Variants in TRIM37 observed in about 807,000 individuals in gnomAD.
TRIM37 encodes the protein tripartite motif containing 37.
Under a neutral mutation model 129.8 loss-of-function variants are expected in TRIM37, and 80 were observed. That is an observed-to-expected ratio of 0.62 (90% CI 0.51 to 0.74). TRIM37 has a LOEUF of 0.74. TRIM37 is among the 30% of genes least tolerant of loss of function. The pLI is 0.00. For missense variants in TRIM37, 1,054 were observed against 1,176.5 expected (o/e 0.90, Z 1.52); for synonymous variants, 389 against 387.1 (o/e 1.00, Z -0.06).
chr17:58,980,462 C>T (rs577558425), downstream of TRIM37: 17 of 1,614,104 alleles, frequency 1.1e-5, no homozygotes, highest in South Asian at 1.8e-4. This position sits in a 1 kb window ranked among gnomAD's most constrained non-coding sequence, Gnocchi z 4.7. Flanking sequence ...GCTGGAAGAC[C>T]CAGGCTACCT....
downstream of TRIM37, chr17:58,980,787 CAAA>C (rs1484496970): frequency 6.2e-7 from 1 of 1,614,128 alleles, no homozygotes; most frequent in South Asian, 1.1e-5. This position sits in a 1 kb window ranked among gnomAD's most constrained non-coding sequence, Gnocchi z 4.7. Flanking sequence ...CACCACTACT[CAAA>C]GAAGTGGCAC....
At chr17:59,049,470 T>A in intron 14 of TRIM37, 77 bp from the exon 15 acceptor site, 1 of 1,198,372 alleles carries the variant, frequency 8.3e-7, no homozygotes. Context: ...GAAAAAAAAA[T>A]GCATCCAGAT....
At chr17:59,046,263 T>G (rs2039784527) in intron 16 of TRIM37, among the ~76,000 whole-genome samples, 1 of 152,124 alleles carries the variant, frequency 6.6e-6, no homozygotes, top group Non-Finnish European at 1.5e-5. Context: ...ACTTATTAAT[T>G]ATAAAGGAAA....
chr17:59,045,343 GA>G (rs200893445), intron 16 of TRIM37, among the ~76,000 whole-genome samples: 66 of 147,478 alleles, frequency 4.5e-4, no homozygotes, highest in African/African-American at 1.3e-3. Context: ...AAAAAAAAAA[GA>G]AAAAAAAAAT....
At chr17:58,972,334 T>C in the TRIM37 span, 3 of 1,540,596 alleles carry the variant, frequency 1.9e-6, no homozygotes, top group African/African-American at 4.2e-5. Flanking sequence ...GATTTTCTAG[T>C]TATTGATTAG....
chr17:58,982,737 T>C (rs894204729), exon 25 of TRIM37: 1 of 544,906 alleles, frequency 1.8e-6, no homozygotes, highest in African/African-American at 1.9e-5. Flanking sequence ...TTTGAAGTCA[T>C]TTCTTCTTCT....
intron 9 of TRIM37, among the ~76,000 whole-genome samples, chr17:59,064,852 G>A (rs952244779): frequency 6.6e-5 from 10 of 151,900 alleles, no homozygotes; most frequent in Middle Eastern, 3.2e-3. Context: ...TGGAGGTTGC[G>A]GTGATTCGAG....
intron 19 of TRIM37, among the ~76,000 whole-genome samples, chr17:59,021,720 T>C (rs2036625770): frequency 6.6e-6 from 1 of 152,154 alleles, no homozygotes; most frequent in Admixed American, 6.6e-5. Flanking sequence ...CAACAGTGAC[T>C]ACAGTCTACA....
chr17:59,017,395 G>A lies in TRIM37; in HGVS notation c.2287C>T (p.Pro763Ser). The change falls in exon 20 of 24, where the codon CCA becomes TCA. Residue 763 changes from proline (P) to serine (S), a missense_variant. Pro to Ser is a moderately conservative substitution (Grantham distance 74). Around this residue, in one of 3 missense-constraint regions of TRIM37, gnomAD observed 287 missense variants for 274.3 expected, o/e 1.05. Transcript: ENST00000262294. Reference sequence around the variant, plus strand: ...CTACCTGCTACACTGGATCGAGCTGGCTTGGGCGAATTACTCTTCTTATTT... The same window carrying A: ...CTACCTGCTACACTGGATCGAGCTGACTTGGGCGAATTACTCTTCTTATTT... Reference protein sequence around the residue: ...STNKKSNSPKPARSSVAGSLS... With the variant: ...STNKKSNSPKSARSSVAGSLS... 6.2e-7 allele frequency: 1 copy of A among 1,614,066 alleles called. No homozygotes were observed. Among genetic ancestry groups the A allele is most frequent in the Admixed American group, 1.7e-5 (1 of 60,006 alleles).
chr17:59,042,413 C>A (rs2039276858), intron 16 of TRIM37, among the ~76,000 whole-genome samples: 2 of 87,200 alleles, frequency 2.3e-5, no homozygotes, highest in African/African-American at 5.0e-5. Context: ...TCTTAGAAAG[C>A]TAAGAAAAAA....
intron 13 of TRIM37, among the ~76,000 whole-genome samples, chr17:59,056,068 T>G (rs77938575): frequency 0.035 from 5,352 of 152,290 alleles, 155 homozygotes; most frequent in East Asian, 0.1. Flanking sequence ...TCAAATATAA[T>G]ATGCACTGTG....
intron 22 of TRIM37, among the ~76,000 whole-genome samples, chr17:59,005,284 T>G (rs551756577): frequency 6.6e-6 from 1 of 152,276 alleles, no homozygotes; most frequent in African/African-American, 2.4e-5. Context: ...ATTCATTACA[T>G]GTGTATCTTT....
chr17:59,031,180 CT>C (rs1309237877), intron 18 of TRIM37, among the ~76,000 whole-genome samples: 2 of 152,122 alleles, frequency 1.3e-5, no homozygotes, highest in Non-Finnish European at 2.9e-5. Flanking sequence ...TGCCTTAAAA[CT>C]ACATCAAAAT....
downstream of TRIM37, chr17:58,981,321 C>A: frequency 3.1e-6 from 1 of 319,678 alleles, no homozygotes; most frequent in Non-Finnish European, 5.7e-6. Flanking sequence ...ACACAACCCC[C>A]TTCCCACCAT....
intron 24 of TRIM37, among the ~76,000 whole-genome samples, chr17:58,990,505 A>T (rs1478525284): frequency 6.6e-6 from 1 of 150,718 alleles, no homozygotes; most frequent in Non-Finnish European, 1.5e-5. Context: ...GAAAAAAAAA[A>T]ATCAAGGCTG....
At chr17:59,029,634 C>T (rs561847764) in intron 18 of TRIM37, among the ~76,000 whole-genome samples, 1 of 152,154 alleles carries the variant, frequency 6.6e-6, no homozygotes, top group Non-Finnish European at 1.5e-5. Context: ...CAGTGGCTCA[C>T]GCCTATAATC....
In TRIM37 at chr17:59,017,893, T is replaced by G. The variant is rs2036148881; in HGVS notation, c.2258-469A>C. ...CACCTGCCGCGGCCTCCCAAAATGC[T>G]GGGATTACAGGCATGGGCCACCGCA... is the stretch of plus-strand genomic sequence containing the variant. On this transcript the variant is annotated intron_variant, in intron 19 of 23. Transcript: ENST00000262294. Among the ~76,000 whole-genome samples the G allele has an allele frequency of 2.0e-5, 3 of 152,214 alleles. No individual in the cohort carries two copies. In the South Asian group the frequency reaches 6.2e-4, roughly 31 times the overall value.
intron 2 of TRIM37, among the ~76,000 whole-genome samples, chr17:59,097,413 A>G (rs1001265902): frequency 1.3e-5 from 2 of 152,204 alleles, no homozygotes; most frequent in African/African-American, 4.8e-5. Context: ...ATATTGTTAA[A>G]GCTAATAAAC....
At chr17:59,037,442 C>T (rs569065191) in intron 17 of TRIM37, among the ~76,000 whole-genome samples, 116 of 151,218 alleles carry the variant, frequency 7.7e-4, no homozygotes, top group African/African-American at 2.6e-3. Context: ...CCTGTAGTCC[C>T]AGCTATTCGG....
Sources: allele counts gnomAD v4.1 joint callset (sites outside exome capture counted in the v4.1 genomes callset), GRCh38; gene constraint gnomAD v4.1.1; regional missense constraint gnomAD v4.1.1; non-coding constraint Gnocchi (gnomAD v3.1); transcripts MANE v1.5; gene names NCBI Gene and HGNC (gene_info 2026-07-23, HGNC 2026-07-21).